EXT1: variants seen among roughly 807,000 people sequenced by gnomAD.
EXT1 encodes the protein exostosin-1.
Under a neutral mutation model 82.5 loss-of-function variants are expected in EXT1, and 20 were observed. The ratio of observed to expected loss-of-function variants is 0.24; its 90% CI spans 0.17 to 0.35. EXT1 has a LOEUF of 0.35. Among genes scored for constraint, EXT1 ranks in the 10% least tolerant of loss-of-function variants. The pLI is 1.00. For missense variants in EXT1, 757 were observed against 936.5 expected (o/e 0.81, Z 2.50); for synonymous variants, 348 against 350.8 (o/e 0.99, Z 0.09).
At chr8:117,955,237 C>T (rs1447959529) in intron 1 of EXT1, among the ~76,000 whole-genome samples, 1 of 152,142 alleles carries the variant, frequency 6.6e-6, no homozygotes, top group Non-Finnish European at 1.5e-5. Context: ...TGGAGGCTCT[C>T]CAAACCTCAT....
At chr8:117,829,523 G>C (rs147003228) in intron 4 of EXT1, among the ~76,000 whole-genome samples, 1 of 150,468 alleles carries the variant, frequency 6.6e-6, no homozygotes, top group Non-Finnish European at 1.5e-5. Context: ...TCATATTTTT[G>C]GAATGGTAGA....
At chr8:118,083,288 T>C (rs529413494) in intron 1 of EXT1, among the ~76,000 whole-genome samples, 1 of 152,336 alleles carries the variant, frequency 6.6e-6, no homozygotes, top group African/African-American at 2.4e-5. Flanking sequence ...GAGTGAATAA[T>C]CTACAGAACA....
chr8:117,807,435 A>G, intron 8 of EXT1, 58 bp from the exon 9 acceptor site: 1 of 1,585,610 alleles, frequency 6.3e-7, no homozygotes, highest in Non-Finnish European at 8.6e-7. Flanking sequence ...TGTCAACAAA[A>G]CATTACCTTC....
At chr8:118,062,864 A>C (rs1816904750) in intron 1 of EXT1, among the ~76,000 whole-genome samples, 1 of 152,192 alleles carries the variant, frequency 6.6e-6, no homozygotes. Context: ...TATTCTGTTT[A>C]ATGTGTCTTT....
intron 1 of EXT1, among the ~76,000 whole-genome samples, chr8:117,873,532 T>C (rs1317694817): frequency 4.2e-5 from 6 of 144,280 alleles, no homozygotes. Flanking sequence ...CTCGGCTCAC[T>C]ATAACCTCTG....
chr8:118,028,760 T>C (rs924095425), intron 1 of EXT1, among the ~76,000 whole-genome samples: 1 of 151,814 alleles, frequency 6.6e-6, no homozygotes, highest in Admixed American at 6.6e-5. Context: ...CCGTCTCTAC[T>C]AAAAATACAA....
chr8:118,023,099 G>T (rs577233039), intron 1 of EXT1, among the ~76,000 whole-genome samples: 1 of 152,202 alleles, frequency 6.6e-6, no homozygotes, highest in Non-Finnish European at 1.5e-5. Flanking sequence ...ATAACCAATT[G>T]TAAGTATTCA....
chr8:118,089,408 G>A (rs917432250), intron 1 of EXT1, among the ~76,000 whole-genome samples: 4 of 152,146 alleles, frequency 2.6e-5, no homozygotes, highest in Non-Finnish European at 2.9e-5. Context: ...TATATGGAGT[G>A]ACATGGAATC....
chr8:118,073,812 G>T (rs1380083468), intron 1 of EXT1, among the ~76,000 whole-genome samples: 1 of 152,188 alleles, frequency 6.6e-6, no homozygotes, highest in Non-Finnish European at 1.5e-5. Flanking sequence ...ATAACATATA[G>T]CTATGACTTA....
At chr8:117,951,871 C>T (rs1166346172) in intron 1 of EXT1, among the ~76,000 whole-genome samples, 1 of 152,176 alleles carries the variant, frequency 6.6e-6, no homozygotes, top group Non-Finnish European at 1.5e-5. Flanking sequence ...ATTCAAATTT[C>T]AGGTTCTTAA....
intron 1 of EXT1, among the ~76,000 whole-genome samples, chr8:118,088,928 A>T (rs971748359): frequency 5.9e-5 from 9 of 152,130 alleles, no homozygotes; most frequent in Non-Finnish European, 1.2e-4. Flanking sequence ...AACTAGTCAC[A>T]CTTACTTAAG....
At chr8:117,834,532 G>C (rs1375584076) in intron 3 of EXT1, among the ~76,000 whole-genome samples, 6 of 152,216 alleles carry the variant, frequency 3.9e-5, no homozygotes, top group Non-Finnish European at 5.9e-5. Flanking sequence ...TTGAACCTGG[G>C]AGGCAGAGGT....
Position 117,798,406 on chromosome 8 carries a change from T to G in EXT1, c.*1306A>C, listed in dbSNP as rs1823115245. ...TTTTCATAACAGAGTTAGGGATATG[T>G]TTTTTTTTTCAGTTTATACTTGGAG... On this transcript the variant is annotated 3_prime_UTR_variant, in exon 11 of 11. Transcript: ENST00000378204. 2 of 149,230 alleles carry G rather than the reference T, an allele frequency of 1.3e-5. No homozygotes were observed. Among genetic ancestry groups the G allele is most frequent in the South Asian group, 4.2e-4 (2 of 4,706 alleles). 9.2% of individuals were successfully genotyped at this position (149,230 alleles called of 1,614,324 possible).
intron 1 of EXT1, among the ~76,000 whole-genome samples, chr8:117,945,234 G>C (rs1183012818): frequency 6.6e-6 from 1 of 152,220 alleles, no homozygotes; most frequent in Non-Finnish European, 1.5e-5. Flanking sequence ...CTGAGGCCTA[G>C]AGAAGTTAAG....
At chr8:117,800,003 G>A (rs1823141541) in intron 10 of EXT1, 106 bp from the exon 11 acceptor site, 1 of 1,178,356 alleles carries the variant, frequency 8.5e-7, no homozygotes, top group East Asian at 2.5e-5. Flanking sequence ...CAAAGCTTGG[G>A]GTCTGGCCCG....
chr8:117,996,795 T>A (rs753079593), intron 1 of EXT1, among the ~76,000 whole-genome samples: 7 of 152,216 alleles, frequency 4.6e-5, no homozygotes, highest in Non-Finnish European at 7.3e-5. Flanking sequence ...ACAGAAATTG[T>A]TCAAATGGCT....
At chr8:117,906,980 T>C (rs1813554973) in intron 1 of EXT1, among the ~76,000 whole-genome samples, 1 of 152,150 alleles carries the variant, frequency 6.6e-6, no homozygotes, top group Non-Finnish European at 1.5e-5. Context: ...AAAGGAACAG[T>C]TTGCTGTAGC....
chr8:118,110,229 G>C lies in EXT1; in HGVS notation c.818C>G (p.Thr273Arg), dbSNP rs1185024233. The C allele has an allele frequency of 1.2e-6, 2 of 1,614,068 alleles. No individual in the cohort carries two copies. The highest frequency in any genetic ancestry group is 1.7e-6 in the Non-Finnish European group (2 of 1,180,050). Reference sequence around the variant, plus strand: ...ATTCCTGGTGTCTGATCCTATCCCTGTCAGGTACCTCTTCCCCTTGAATAC... The same window carrying C: ...ATTCCTGGTGTCTGATCCTATCCCTCTCAGGTACCTCTTCCCCTTGAATAC... Reference protein sequence around the residue: ...MLVFKGKRYLTGIGSDTRNAL... With the variant: ...MLVFKGKRYLRGIGSDTRNAL... Residue 273 changes from threonine (T) to arginine (R), a missense_variant, in exon 1 of 11, where the codon ACA (threonine) becomes AGA (arginine). Thr to Arg is a moderately conservative substitution (Grantham distance 71, BLOSUM62 -1). Around this residue, in one of 4 missense-constraint regions of EXT1, gnomAD observed 247 missense variants for 330.1 expected, o/e 0.75. Coordinates refer to ENST00000378204, the MANE Select transcript of EXT1 (RefSeq NM_000127.3).
chr8:117,962,742 G>A (rs115526496), intron 1 of EXT1, among the ~76,000 whole-genome samples: 4,953 of 148,748 alleles, frequency 0.033, 143 homozygotes, highest in African/African-American at 0.074. Flanking sequence ...AATGGGGAAA[G>A]ACTCCATCCC....
Sources: allele counts gnomAD v4.1 joint callset (sites outside exome capture counted in the v4.1 genomes callset), GRCh38; gene constraint gnomAD v4.1.1; regional missense constraint gnomAD v4.1.1; transcripts MANE v1.5; gene names NCBI Gene and HGNC (gene_info 2026-07-23, HGNC 2026-07-21).